Variants in HM13 observed in about 807,000 individuals in gnomAD.
HM13 encodes the protein signal peptide peptidase.
In HM13, 18 loss-of-function variants were observed where a neutral mutation model predicts 50.0. The observed-to-expected ratio is 0.36, with a 90% CI of 0.25 to 0.53. The LOEUF (loss-of-function observed/expected upper bound fraction) is 0.53, where lower values mean the gene tolerates loss of function less well. HM13 is among the 20% of genes least tolerant of loss of function. The pLI is 0.90. For missense variants in HM13, 393 were observed against 552.4 expected (o/e 0.71, Z 2.89); for synonymous variants, 197 against 232.6 (o/e 0.85, Z 1.39).
At chr20:31,534,497 C>CCA (rs1328035284) in intron 2 of HM13, among the ~76,000 whole-genome samples, 3 of 152,140 alleles carry the variant, frequency 2.0e-5, no homozygotes. Context: ...AAGAAGAAGA[C>CCA]CAGAGGCTGG....
chr20:31,551,095 A>T (rs1984013821), intron 7 of HM13, among the ~76,000 whole-genome samples: 1 of 152,234 alleles, frequency 6.6e-6, no homozygotes, highest in African/African-American at 2.4e-5. Flanking sequence ...AAAACATTTC[A>T]TTATGTATAT....
At chr20:31,562,926 A>G (rs576251255) in intron 10 of HM13, among the ~76,000 whole-genome samples, 175 of 152,298 alleles carry the variant, frequency 1.1e-3, no homozygotes, top group African/African-American at 4.0e-3. Flanking sequence ...GGACTAGTTA[A>G]GAGACCTTTT....
intron 10 of HM13, among the ~76,000 whole-genome samples, chr20:31,564,677 C>T (rs1424942845): frequency 6.6e-6 from 1 of 152,006 alleles, no homozygotes; most frequent in African/African-American, 2.4e-5. Flanking sequence ...CTCAAGTGCA[C>T]CAGCCTGGCC....
chr20:31,535,577 T>C (rs998829414), intron 2 of HM13: 3 of 152,216 alleles, frequency 2.0e-5, no homozygotes, highest in African/African-American at 7.2e-5. Flanking sequence ...AAGAATGCAA[T>C]GTGAGAGGTA....
chr20:31,552,891 CTGT>C (rs974975911), intron 7 of HM13, among the ~76,000 whole-genome samples: 2 of 152,218 alleles, frequency 1.3e-5, no homozygotes, highest in African/African-American at 4.8e-5. Flanking sequence ...CTCTGTGTAC[CTGT>C]TGTTGGCCAG....
chr20:31,544,348 C>G (rs1021653799), intron 3 of HM13, among the ~76,000 whole-genome samples: 1 of 152,196 alleles, frequency 6.6e-6, no homozygotes, highest in Non-Finnish European at 1.5e-5. Context: ...CTTCTAGAGA[C>G]GAGGCCAAGC....
chr20:31,545,371 C>CTCAG (rs1555842393), intron 4 of HM13, among the ~76,000 whole-genome samples: 12 of 151,786 alleles, frequency 7.9e-5, no homozygotes, highest in African/African-American at 2.9e-4. Flanking sequence ...ATAGTAAGCA[C>CTCAG]TCAAAGTCGG....
At chr20:31,568,407 AC>A (rs1339255071) in intron 12 of HM13, 183 bp downstream of exon 12, 6 of 827,880 alleles carry the variant, frequency 7.2e-6, no homozygotes, top group Non-Finnish European at 1.1e-5. Context: ...AAGCAGGACA[AC>A]CCCGAAGCTT....
In HM13 at chr20:31,514,795, C is replaced by T; in HGVS notation, c.183+61C>T. On this transcript the variant is annotated intron_variant, in intron 1 of 12. Transcript: ENST00000398174. The surrounding 1 kb of genome is among the most constrained non-coding windows in gnomAD (Gnocchi z 4.3). ...CCATACCGAACACGGCCGACATGGA[C>T]CCTTCCTAGGCGGGACAGACACCTC... 2 of 1,417,508 alleles carry T rather than the reference C, an allele frequency of 1.4e-6. No homozygotes were observed. Among genetic ancestry groups the T allele is most frequent in the Admixed American group, 2.4e-5 (1 of 41,644 alleles). 87.8% of individuals were successfully genotyped at this position (1,417,508 alleles called of 1,614,324 possible).
intron 1 of HM13, among the ~76,000 whole-genome samples, chr20:31,515,751 A>G (rs1981736641): frequency 6.6e-6 from 1 of 151,776 alleles, no homozygotes; most frequent in South Asian, 2.1e-4. Context: ...TCTTCCCTAT[A>G]TTAAGCCCTT....
chr20:31,557,743 T>C (rs148517396), intron 8 of HM13, among the ~76,000 whole-genome samples: 436 of 148,704 alleles, frequency 2.9e-3, no homozygotes, highest in African/African-American at 0.01. Flanking sequence ...GGAGTTTTGC[T>C]CTTGTTGCCC....
At chr20:31,518,227 A>C (rs1023113929) in intron 1 of HM13, among the ~76,000 whole-genome samples, 6 of 150,964 alleles carry the variant, frequency 4.0e-5, no homozygotes, top group African/African-American at 1.5e-4. Flanking sequence ...TAGAGACGGG[A>C]TTTCTCCATG....
chr20:31,545,982 T>C (rs1364529386), intron 4 of HM13, among the ~76,000 whole-genome samples: 1 of 149,878 alleles, frequency 6.7e-6, no homozygotes, highest in Non-Finnish European at 1.5e-5. Flanking sequence ...CAGGCGTGAG[T>C]GAGCCACCAC....
chr20:31,554,647 A>T, intron 7 of HM13, 99 bp from the exon 8 acceptor site: 2 of 926,926 alleles, frequency 2.2e-6, no homozygotes, highest in Non-Finnish European at 3.3e-6. Context: ...GCGCCACTGC[A>T]CTCCAGCCTG....
In HM13 at chr20:31,559,666, G is replaced by A; in HGVS notation, c.845+19G>A. ...ACATCAGGTGAGTGAGTGAGGGCCT[G>A]CCCCAGCATGGGCTTCTCCAGGGAT... On this transcript the variant is annotated intron_variant, in intron 9 of 12. Coordinates refer to ENST00000398174, the MANE Select transcript of HM13 (RefSeq NM_178581.3). The A allele has an allele frequency of 6.2e-7, 1 of 1,613,568 alleles. No homozygotes were observed. Among genetic ancestry groups the A allele is most frequent in the Non-Finnish European group, 8.5e-7 (1 of 1,179,498 alleles).
At chr20:31,544,132 G>C (rs6120670) in intron 3 of HM13, among the ~76,000 whole-genome samples, 46,753 of 152,168 alleles carry the variant, frequency 0.31, 11,813 homozygotes, top group African/African-American at 0.7. Flanking sequence ...CAGGGAGACA[G>C]AGCCACTGAA....
chr20:31,521,421 AAG>A (rs1267555799), intron 1 of HM13, among the ~76,000 whole-genome samples: 1 of 152,132 alleles, frequency 6.6e-6, no homozygotes, highest in Non-Finnish European at 1.5e-5. Flanking sequence ...TCATCTGTAA[AAG>A]AGCTATTAAA....
intron 1 of HM13, among the ~76,000 whole-genome samples, chr20:31,519,255 T>C (rs938270447): frequency 6.6e-6 from 1 of 152,154 alleles, no homozygotes; most frequent in Non-Finnish European, 1.5e-5. Context: ...GCACCTGCCA[T>C]CATGCCTGGC....
intron 2 of HM13, among the ~76,000 whole-genome samples, chr20:31,536,610 C>T (rs1439522178): frequency 1.3e-5 from 2 of 152,198 alleles, no homozygotes; most frequent in African/African-American, 2.4e-5. Flanking sequence ...TTTCCCATGG[C>T]ACTGCAGGGT....
Sources: gnomAD v4.1 joint callset for allele counts (sites outside exome capture counted in the v4.1 genomes callset) on GRCh38, gnomAD v4.1.1 for gene constraint, Gnocchi (gnomAD v3.1) non-coding constraint, MANE v1.5 for transcripts, NCBI Gene and HGNC (gene_info 2026-07-23, HGNC 2026-07-21) for gene names.